FARS2: variants seen among roughly 807,000 people sequenced by gnomAD.
FARS2 encodes phenylalanyl-tRNA synthetase 2, mitochondrial.
In FARS2, 40 loss-of-function variants were observed where a neutral mutation model predicts 46.4. The observed-to-expected ratio is 0.86, with a 90% CI of 0.67 to 1.12. FARS2 has a LOEUF of 1.12. FARS2 is among the 50% of genes most tolerant of loss of function. The pLI is 0.00. For missense variants in FARS2, 513 were observed against 567.9 expected, an observed-to-expected ratio of 0.90 and a Z score of 0.98; for synonymous variants, 234 against 214.9, an observed-to-expected ratio of 1.09 and a Z score of -0.78.
intron 1 of FARS2, among the ~76,000 whole-genome samples, chr6:5,297,406 G>T (rs895800167): frequency 6.6e-6 from 1 of 152,198 alleles, no homozygotes; most frequent in Non-Finnish European, 1.5e-5. Context: ...CCAGCACTTT[G>T]GGGGGCCAAG....
chr6:5,305,350 G>C (rs1011488377), intron 1 of FARS2, among the ~76,000 whole-genome samples: 4 of 152,244 alleles, frequency 2.6e-5, no homozygotes, highest in Middle Eastern at 3.4e-3. Context: ...TGTGTCTGCT[G>C]ATTGAATGAA....
At chr6:5,691,991 C>T (rs879796334) in intron 6 of FARS2, among the ~76,000 whole-genome samples, 23 of 152,190 alleles carry the variant, frequency 1.5e-4, no homozygotes, top group Non-Finnish European at 2.8e-4. Context: ...CCGAGCCAGG[C>T]GCGGGATATA....
chr6:5,517,442 G>A (rs1424369154), intron 4 of FARS2, among the ~76,000 whole-genome samples: 1 of 152,018 alleles, frequency 6.6e-6, no homozygotes, highest in East Asian at 1.9e-4. Flanking sequence ...GAGAAGCCCT[G>A]TCTCTACTAA....
chr6:5,487,559 G>A (rs966381309), intron 4 of FARS2, among the ~76,000 whole-genome samples: 5 of 152,184 alleles, frequency 3.3e-5, no homozygotes, highest in African/African-American at 9.7e-5. Flanking sequence ...ACAGAGTGGA[G>A]GCCTAGAGAA....
intron 6 of FARS2, among the ~76,000 whole-genome samples, chr6:5,763,629 T>C (rs1582898986): frequency 1.3e-5 from 2 of 152,128 alleles, no homozygotes; most frequent in African/African-American, 4.8e-5. Context: ...CACAGGAGCT[T>C]GGGCTGGCAC....
At chr6:5,474,550 A>G (rs1765998850) in intron 4 of FARS2, among the ~76,000 whole-genome samples, 1 of 152,186 alleles carries the variant, frequency 6.6e-6, no homozygotes. Context: ...CTCCTAGGCT[A>G]CAAACATGTA....
At chr6:5,642,887 G>A (rs1236356847) in intron 6 of FARS2, among the ~76,000 whole-genome samples, 1 of 152,156 alleles carries the variant, frequency 6.6e-6, no homozygotes, top group Non-Finnish European at 1.5e-5. Context: ...TGATGTCTTC[G>A]AAGAGCCCAC....
intron 4 of FARS2, among the ~76,000 whole-genome samples, chr6:5,541,424 A>G (rs558284716): frequency 1.2e-4 from 19 of 152,326 alleles, no homozygotes; most frequent in African/African-American, 4.3e-4. Context: ...CCCCACAATC[A>G]AGATAGAGAA....
At chr6:5,263,426 C>T (rs1320829319) in intron 1 of FARS2, among the ~76,000 whole-genome samples, 2 of 152,138 alleles carry the variant, frequency 1.3e-5, no homozygotes, top group Admixed American at 6.5e-5. Context: ...AAATGGTTTA[C>T]CAATGTGTTG....
intron 5 of FARS2, among the ~76,000 whole-genome samples, chr6:5,551,043 A>G (rs1271259702): frequency 2.0e-5 from 3 of 152,206 alleles, no homozygotes; most frequent in Admixed American, 6.5e-5. Context: ...TAGGCTAAGA[A>G]TTTCCCAAAT....
At chr6:5,463,305 G>A (rs1306940965) in intron 4 of FARS2, among the ~76,000 whole-genome samples, 2 of 152,072 alleles carry the variant, frequency 1.3e-5, no homozygotes, top group Admixed American at 6.5e-5. Context: ...TTCATATGAC[G>A]ATCTTGTATC....
intron 5 of FARS2, among the ~76,000 whole-genome samples, chr6:5,550,068 A>G (rs191927093): frequency 3.9e-5 from 6 of 152,302 alleles, no homozygotes; most frequent in African/African-American, 1.2e-4. Flanking sequence ...CTCCCAAAAT[A>G]CAATGAGTAG....
At chr6:5,414,805 A>T in intron 3 of FARS2, among the ~76,000 whole-genome samples, 1 of 134,740 alleles carries the variant, frequency 7.4e-6, no homozygotes. Context: ...TGGTAGGTAT[A>T]TGACTGTTTT....
chr6:5,511,660 A>G (rs577863134), intron 4 of FARS2, among the ~76,000 whole-genome samples: 53 of 152,336 alleles, frequency 3.5e-4, no homozygotes, highest in African/African-American at 1.2e-3. Context: ...TAGGAGGGCT[A>G]TTGGAGGAAA....
intron 4 of FARS2, among the ~76,000 whole-genome samples, chr6:5,498,368 A>G (rs1485357048): frequency 6.6e-6 from 1 of 152,178 alleles, no homozygotes; most frequent in Non-Finnish European, 1.5e-5. Context: ...TTATCGTTCA[A>G]GAGCATCAGC....
intron 4 of FARS2, among the ~76,000 whole-genome samples, chr6:5,467,365 G>A (rs1765567963): frequency 1.3e-5 from 2 of 151,422 alleles, no homozygotes; most frequent in Admixed American, 6.6e-5. Context: ...TTTCTAAGGA[G>A]GTTCATGATC....
chr6:5,430,907 C>G (rs1763123123), intron 3 of FARS2, 134 bp from the exon 4 acceptor site: 7 of 855,658 alleles, frequency 8.2e-6, no homozygotes, highest in Non-Finnish European at 1.2e-5. Context: ...TAACATGTTG[C>G]AAATTAGTTT....
At chr6:5,445,448 G>A (rs1009467187) in intron 4 of FARS2, among the ~76,000 whole-genome samples, 1 of 151,896 alleles carries the variant, frequency 6.6e-6, no homozygotes, top group East Asian at 1.9e-4. Flanking sequence ...TGTATTTTAG[G>A]CTGGAAGCAA....
intron 4 of FARS2, among the ~76,000 whole-genome samples, chr6:5,444,480 AAAAAAAAAAAAAAGAG>A (rs1466590602): frequency 1.1e-4 from 10 of 90,452 alleles, no homozygotes; most frequent in Admixed American, 2.1e-4. Context: ...AAAAAAAAAA[AAAAAAAAAAAAAAGAG>A]AGAGAGAGAG....
Sources: allele counts gnomAD v4.1 joint callset (sites outside exome capture counted in the v4.1 genomes callset), GRCh38; gene constraint gnomAD v4.1.1; transcripts MANE v1.5; gene names NCBI Gene and HGNC (gene_info 2026-07-23, HGNC 2026-07-21).